PASD1: variants seen among roughly 807,000 people sequenced by gnomAD.
PASD1 encodes the protein circadian clock protein PASD1.
A neutral mutation model predicts 58.8 loss-of-function variants in PASD1; 13 were observed. The observed-to-expected ratio is 0.22, with a 90% CI of 0.14 to 0.35. The LOEUF (loss-of-function observed/expected upper bound fraction) is 0.35. Ranked by LOEUF, PASD1 falls within the 10% of genes least tolerant of loss-of-function variation. PASD1 has a pLI of 1.00. For missense variants in PASD1, 734 were observed against 568.3 expected (o/e 1.29, Z -2.96); for synonymous variants, 236 against 216.7 (o/e 1.09, Z -0.78).
intron 6 of PASD1, 52 bp downstream of exon 6, chrX:151,621,644 T>A: frequency 1.2e-6 from 1 of 857,100 alleles, no homozygotes; most frequent in Non-Finnish European, 1.7e-6. Flanking sequence ...TCATGTAGCC[T>A]CACATTACTA....
Position 151,604,706 on chromosome X carries a change from A to T in PASD1, c.89A>T (p.Tyr30Phe), listed in dbSNP as rs372329873. The stretch of plus-strand genomic sequence containing the variant: ...AACTGGATTCCATCATTTCCTACCT[A>T]TGATTACTTCAACCAAGTGACGCTA... ...KLNWIPSFPT[Y>F]DYFNQVTLQL... is the part of the protein sequence containing the mutation. Residue 30 changes from tyrosine (Y) to phenylalanine (F), a missense_variant, in exon 3 of 16, where the codon TAT becomes TTT. Physicochemically the swap from Tyr to Phe is conservative, Grantham distance 22. Transcript: ENST00000370357. 2 of 1,208,263 alleles carry T rather than the reference A, an allele frequency of 1.7e-6. No homozygotes were observed. Among genetic ancestry groups the T allele is most frequent in the Non-Finnish European group, 2.2e-6 (2 of 892,741 alleles).
chrX:151,636,523 C>T (rs1209913579), intron 8 of PASD1, among the ~76,000 whole-genome samples: 2 of 111,001 alleles, frequency 1.8e-5, no homozygotes, highest in Non-Finnish European at 3.8e-5. Context: ...CCTGCCTCAG[C>T]CTCCTGAGTA....
At chrX:151,612,785 G>C (rs2013583422) in intron 4 of PASD1, among the ~76,000 whole-genome samples, 1 of 111,662 alleles carries the variant, frequency 9.0e-6, no homozygotes, top group African/African-American at 3.3e-5. Context: ...CACTCTGATG[G>C]TAGTTTCTTT....
intron 2 of PASD1, among the ~76,000 whole-genome samples, chrX:151,603,670 A>G (rs964904971): frequency 2.7e-5 from 3 of 110,675 alleles, no homozygotes; most frequent in African/African-American, 9.9e-5. Flanking sequence ...TGCAGTTGGC[A>G]TGGTTTACTT....
At chrX:151,625,409 A>G in intron 7 of PASD1, 39 bp from the exon 8 acceptor site, 1 of 1,038,301 alleles carries the variant, frequency 9.6e-7, no homozygotes, top group Non-Finnish European at 1.3e-6. Context: ...TACTATTTAT[A>G]TACATATTAA....
chrX:151,626,926 A>G (rs903126067), intron 8 of PASD1, among the ~76,000 whole-genome samples: 1 of 111,915 alleles, frequency 8.9e-6, no homozygotes. Flanking sequence ...TCAGAAGAGT[A>G]CAGAGGTGAT....
At chrX:151,656,805 C>T (rs966498062) in intron 9 of PASD1, among the ~76,000 whole-genome samples, 2 of 111,870 alleles carry the variant, frequency 1.8e-5, no homozygotes, top group Admixed American at 9.5e-5. Context: ...CATCTGCAAA[C>T]AGGGACAATT....
At chrX:151,613,492 C>A (rs775009198) in intron 4 of PASD1, among the ~76,000 whole-genome samples, 7 of 107,788 alleles carry the variant, frequency 6.5e-5, no homozygotes, top group Non-Finnish European at 7.7e-5. Flanking sequence ...CTTTTATTTC[C>A]TTGAGCAGTG....
chrX:151,584,093 C>T (rs1211693353), intron 1 of PASD1, among the ~76,000 whole-genome samples: 3 of 111,593 alleles, frequency 2.7e-5, no homozygotes, highest in East Asian at 2.8e-4. Flanking sequence ...GGACCATTAA[C>T]AATAACTTTG....
chrX:151,671,486 C>T (rs2014467956), intron 12 of PASD1, 87 bp from the exon 13 acceptor site: 1 of 1,043,864 alleles, frequency 9.6e-7, no homozygotes, highest in Non-Finnish European at 1.3e-6. Context: ...TGCCTGTGGG[C>T]AGTCCTGCTC....
chrX:151,595,342 T>G (rs1174748601), intron 1 of PASD1, among the ~76,000 whole-genome samples: 1 of 111,506 alleles, frequency 9.0e-6, no homozygotes, highest in Non-Finnish European at 1.9e-5. Flanking sequence ...CACCTAGGCA[T>G]GAACTGTGGT....
chrX:151,587,470 T>C (rs1319520546), intron 1 of PASD1, among the ~76,000 whole-genome samples: 1 of 111,567 alleles, frequency 9.0e-6, no homozygotes, highest in Non-Finnish European at 1.9e-5. Flanking sequence ...GGCCACAAAA[T>C]ATGCACCTGT....
rs754555742 is a variant in PASD1, at chrX:151,622,195, A to G, written c.418+603A>G. 4.5e-5 allele frequency among the ~76,000 whole-genome samples: 5 copies of G among 111,245 alleles called. No individual in the cohort carries two copies. The East Asian group carries it at 1.1e-3, about 25-fold the overall frequency. On this transcript the variant is annotated intron_variant, in intron 6 of 15. Coordinates refer to ENST00000370357, the MANE Select transcript of PASD1 (RefSeq NM_173493.3). ...TTTGTCGCGTGTGGATATAGGGTCC[A>G]TTTTACAAATTTTGAGGTTTCAGAA... is the stretch of plus-strand genomic sequence containing the variant.
intron 8 of PASD1, among the ~76,000 whole-genome samples, chrX:151,628,424 G>C (rs2013822264): frequency 8.9e-6 from 1 of 112,157 alleles, no homozygotes; most frequent in South Asian, 3.7e-4. Flanking sequence ...TTATACATAT[G>C]TCTAGCCAGT....
chrX:151,661,634 C>T (rs775144553), intron 10 of PASD1, among the ~76,000 whole-genome samples: 84 of 112,513 alleles, frequency 7.5e-4, no homozygotes, highest in Non-Finnish European at 1.4e-3. Flanking sequence ...GAGCTTCAGC[C>T]TTTATTCAGT....
intron 1 of PASD1, among the ~76,000 whole-genome samples, chrX:151,589,108 T>C (rs2013211228): frequency 8.9e-6 from 1 of 111,858 alleles, no homozygotes; most frequent in Non-Finnish European, 1.9e-5. Context: ...ACTGATCTGA[T>C]CACCCCCTTT....
Position 151,612,057 on chromosome X carries a change from G to C in PASD1, c.207+304G>C, listed in dbSNP as rs745918782. ...TTGTTCAATTCCCACCTATGAGTGA[G>C]AACATGCGGTGTTTGGTTTTTTGTC... On this transcript the variant is annotated intron_variant, in intron 4 of 15. Transcript: ENST00000370357. Among the ~76,000 whole-genome samples the C allele has an allele frequency of 3.7e-3, 357 of 95,529 alleles. 1 individual carries two copies. Among genetic ancestry groups the C allele is most frequent in the Middle Eastern group, 0.011 (2 of 176 alleles). 83.0% of individuals were successfully genotyped at this position (95,529 alleles called of 115,157 possible). A position where few individuals can be genotyped will look rare whatever the true frequency, so the allele number is the denominator to read the frequency against.
intron 3 of PASD1, among the ~76,000 whole-genome samples, chrX:151,607,103 G>C (rs779021088): frequency 9.0e-6 from 1 of 111,653 alleles, no homozygotes; most frequent in Admixed American, 9.6e-5. Context: ...ACTATTTCCT[G>C]AGTTCTGTAT....
intron 15 of PASD1, 44 bp from the exon 16 acceptor site, chrX:151,675,953 A>G: frequency 4.2e-6 from 5 of 1,196,577 alleles, no homozygotes; most frequent in Non-Finnish European, 5.6e-6. Context: ...ATGGGCCCAC[A>G]GACTCTAGCA....
Sources: allele counts gnomAD v4.1 joint callset (sites outside exome capture counted in the v4.1 genomes callset), GRCh38; gene constraint gnomAD v4.1.1; transcripts MANE v1.5; gene names NCBI Gene and HGNC (gene_info 2026-07-23, HGNC 2026-07-21).